Variants in MLLT3 observed in about 807,000 individuals in gnomAD.
MLLT3 encodes MLLT3 super elongation complex subunit, also known as protein AF-9.
MLLT3 carries 4 observed loss-of-function variants against 53.2 expected under a neutral mutation model. That is an observed-to-expected ratio of 0.08 (90% CI 0.04 to 0.17). MLLT3 has a LOEUF of 0.17. Ranked by LOEUF, MLLT3 falls within the 10% of genes least tolerant of loss-of-function variation. The pLI is 1.00. For synonymous variants in MLLT3, 283 were observed against 230.6 expected (o/e 1.23, Z -2.06); for missense variants, 569 against 684.0 (o/e 0.83, Z 1.87).
At chr9:20,604,414 T>C (rs1043205739) in intron 2 of MLLT3, among the ~76,000 whole-genome samples, 3 of 135,476 alleles carry the variant, frequency 2.2e-5, no homozygotes, top group East Asian at 2.2e-4. Flanking sequence ...AAAAACAAAG[T>C]CTAACTTTAA....
chr9:20,497,537 C>G (rs997083925), intron 2 of MLLT3, among the ~76,000 whole-genome samples: 7 of 152,134 alleles, frequency 4.6e-5, no homozygotes, highest in Non-Finnish European at 4.4e-5. Context: ...TACATGGAAT[C>G]ATACAATGTG....
At chr9:20,494,336 GT>G (rs1291009966) in intron 2 of MLLT3, among the ~76,000 whole-genome samples, 1 of 151,998 alleles carries the variant, frequency 6.6e-6, no homozygotes, top group Admixed American at 6.6e-5. Context: ...GGGAGAAGAG[GT>G]TTATGCACAA....
intron 2 of MLLT3, among the ~76,000 whole-genome samples, chr9:20,583,852 A>C (rs1819873396): frequency 6.6e-6 from 1 of 152,148 alleles, no homozygotes; most frequent in Non-Finnish European, 1.5e-5. Flanking sequence ...GAAGGTCTCT[A>C]ACATGGCCTG....
Position 20,621,687 on chromosome 9 carries a change from C to T in MLLT3, c.12+558G>A. 1 of 1,371,974 alleles carries T rather than the reference C, an allele frequency of 7.3e-7. No individual in the cohort carries two copies. The highest frequency in any genetic ancestry group is 9.7e-7 in the Non-Finnish European group (1 of 1,029,446). The allele number at this position is 1,371,974 out of a possible 1,614,324, so 85.0% of individuals were successfully genotyped here. The stretch of plus-strand genomic sequence containing the variant: ...AGCCTCGGCTCGCGCTCAGCACCTC[C>T]CGGCGCTGGGGCAAAGTTGCGTGCG... On this transcript the variant is annotated intron_variant, in intron 1 of 10. Transcript: ENST00000380338. This position sits in a 1 kb window ranked among gnomAD's most constrained non-coding sequence, Gnocchi z 7.0.
intron 2 of MLLT3, among the ~76,000 whole-genome samples, chr9:20,608,788 CT>C (rs1820631765): frequency 6.6e-6 from 1 of 151,984 alleles, no homozygotes; most frequent in African/African-American, 2.4e-5. Flanking sequence ...ACTAGTTTTA[CT>C]TTCACATAAT....
rs536369947 is a variant in MLLT3, at chr9:20,570,315, G to C, written c.193+50339C>G. ...ATAGAATCTTAATTTTCTTCCGTCA[G>C]CATTACTAGCATGGTAGTAATAAAC... On this transcript the variant is annotated intron_variant, in intron 2 of 10. Coordinates refer to ENST00000380338, the MANE Select transcript of MLLT3 (RefSeq NM_004529.4). 8.5e-5 allele frequency among the ~76,000 whole-genome samples: 13 copies of C among 152,234 alleles called. No homozygotes were observed. In the East Asian group the frequency reaches 2.5e-3, roughly 29 times the overall value.
At chr9:20,443,005 T>C (rs1035289692) in intron 4 of MLLT3, among the ~76,000 whole-genome samples, 9 of 152,152 alleles carry the variant, frequency 5.9e-5, no homozygotes, top group Non-Finnish European at 1.2e-4. Context: ...TGGTTAGTTT[T>C]AATTTTCAGT....
At chr9:20,452,096 C>T (rs909031670) in intron 3 of MLLT3, among the ~76,000 whole-genome samples, 4 of 152,152 alleles carry the variant, frequency 2.6e-5, no homozygotes, top group Non-Finnish European at 5.9e-5. Context: ...ATCTTTAATA[C>T]GTGGAATTAA....
chr9:20,529,875 T>C lies in MLLT3; in HGVS notation c.194-73089A>G, dbSNP rs75499636. ...ATGGCATCCCACTGTAATCCAATTC[T>C]TTATCAACCAGGCCAGTTACACAAA... On this transcript the variant is annotated intron_variant, in intron 2 of 10. Transcript: ENST00000380338. 9.9e-3 allele frequency among the ~76,000 whole-genome samples: 1,508 copies of C among 152,206 alleles called. 10 individuals carry two copies. The highest frequency in any genetic ancestry group is 0.014 in the Non-Finnish European group (964 of 67,988).
chr9:20,499,626 T>G (rs1404661250), intron 2 of MLLT3, among the ~76,000 whole-genome samples: 2 of 152,194 alleles, frequency 1.3e-5, no homozygotes, highest in African/African-American at 4.8e-5. Flanking sequence ...TGGTCTTATT[T>G]CCCCAAAATA....
intron 2 of MLLT3, among the ~76,000 whole-genome samples, chr9:20,513,043 G>C (rs180822065): frequency 6.6e-6 from 1 of 152,226 alleles, no homozygotes; most frequent in African/African-American, 2.4e-5. Context: ...ATTTGGTTTT[G>C]GGGGTATCTC....
Position 20,346,578 on chromosome 9 carries a change from G to C in MLLT3, c.1576-4C>G, listed in dbSNP as rs182446281. On this transcript the variant is annotated splice_polypyrimidine_tract_variant and splice_region_variant and intron_variant, in intron 10 of 10. Coordinates refer to ENST00000380338, the MANE Select transcript of MLLT3 (RefSeq NM_004529.4). ...TTTCTTCTATAAGGTTCACGATCTA[G>C]AGGAGTGAAGAAGAGAAAGTTTGGG... 103 of 1,610,592 alleles carry C rather than the reference G, an allele frequency of 6.4e-5. No homozygotes were observed. The South Asian group carries it at 1.0e-3, about 16-fold the overall frequency.
At chr9:20,505,903 T>C (rs1484167338) in intron 2 of MLLT3, among the ~76,000 whole-genome samples, 1 of 152,166 alleles carries the variant, frequency 6.6e-6, no homozygotes, top group Non-Finnish European at 1.5e-5. Context: ...GCTCAGCCAT[T>C]TTTCAGCTGT....
chr9:20,620,733 A>C lies in MLLT3; in HGVS notation c.114T>G (p.Gly38=), dbSNP rs771355312. Residue 38 remains glycine, a synonymous_variant, in exon 2 of 11, where the codon GGT becomes GGG. Transcript: ENST00000380338. The surrounding 1 kb of genome is among the most constrained non-coding windows in gnomAD (Gnocchi z 6.1). The part of the protein sequence containing the change: ...FTHDWMVFVR[G]PEHSNIQHFV... ...AGTGCTGTATGTTACTGTGCTCCGG[A>C]CCGCGTACGAACACCATCCAGTCGT... 1.2e-6 allele frequency: 2 copies of C among 1,614,010 alleles called. No individual in the cohort carries two copies. The highest frequency in any genetic ancestry group is 1.3e-5 in the African/African-American group (1 of 74,916).
At chr9:20,424,258 T>C (rs1162886395) in intron 4 of MLLT3, among the ~76,000 whole-genome samples, 4 of 152,122 alleles carry the variant, frequency 2.6e-5, no homozygotes, top group African/African-American at 9.7e-5. Context: ...TTTGAGTCTT[T>C]TGGTACTAAA....
chr9:20,434,897 C>G (rs1195933565), intron 4 of MLLT3, among the ~76,000 whole-genome samples: 1 of 152,100 alleles, frequency 6.6e-6, no homozygotes, highest in African/African-American at 2.4e-5. Flanking sequence ...TTGGGAAAAA[C>G]ATTTCCACAT....
intron 2 of MLLT3, among the ~76,000 whole-genome samples, chr9:20,506,467 C>T (rs1563791876): frequency 6.8e-6 from 1 of 146,416 alleles, no homozygotes; most frequent in African/African-American, 2.5e-5. Flanking sequence ...CAAGTAAATG[C>T]TTTTTTTTTT....
intron 5 of MLLT3, among the ~76,000 whole-genome samples, chr9:20,410,838 T>C (rs1051875023): frequency 2.0e-5 from 3 of 152,220 alleles, no homozygotes; most frequent in African/African-American, 7.2e-5. Flanking sequence ...GTTTTCTTTA[T>C]AGACATACTA....
Position 20,620,183 on chromosome 9 carries a change from G to T in MLLT3, c.193+471C>A, listed in dbSNP as rs1359471437. Reference sequence around the variant, plus strand: ...ACCCTAAAGAGAACCGACTTGCCAAGACCGAACAATAACTACATCCAATAC... The same window carrying T: ...ACCCTAAAGAGAACCGACTTGCCAATACCGAACAATAACTACATCCAATAC... On this transcript the variant is annotated intron_variant, in intron 2 of 10. Transcript: ENST00000380338. This position sits in a 1 kb window ranked among gnomAD's most constrained non-coding sequence, Gnocchi z 6.1. 6.6e-6 allele frequency among the ~76,000 whole-genome samples: 1 copy of T among 151,700 alleles called. No homozygotes were observed. The highest frequency in any genetic ancestry group is 1.5e-5 in the Non-Finnish European group (1 of 67,978).
Sources: gnomAD v4.1 joint callset for allele counts (sites outside exome capture counted in the v4.1 genomes callset) on GRCh38, gnomAD v4.1.1 for gene constraint, Gnocchi (gnomAD v3.1) non-coding constraint, MANE v1.5 for transcripts, NCBI Gene and HGNC (gene_info 2026-07-23, HGNC 2026-07-21) for gene names.